FREM2: variants seen among roughly 807,000 people sequenced by gnomAD.
FREM2 encodes the protein FRAS1-related extracellular matrix protein 2.
In FREM2, 119 loss-of-function variants were observed where a neutral mutation model predicts 219.9. That is an observed-to-expected ratio of 0.54 (90% confidence interval 0.47 to 0.63). The LOEUF is 0.63. Ranked by LOEUF, FREM2 falls within the 30% of genes least tolerant of loss-of-function variation. The probability of loss-of-function intolerance (pLI) is 0.00; values close to 1 mark genes in which losing one functional copy is unlikely to be tolerated. For synonymous variants in FREM2, 1,562 were observed against 1,522.8 expected, an observed-to-expected ratio of 1.03 and a Z score of -0.60; for missense variants, 4,030 against 3,993.6, an observed-to-expected ratio of 1.01 and a Z score of -0.25.
intron 6 of FREM2, among the ~76,000 whole-genome samples, chr13:38,820,801 A>G (rs1876013973): frequency 6.6e-6 from 1 of 152,140 alleles, no homozygotes; most frequent in African/African-American, 2.4e-5. Context: ...TCAGTGATGT[A>G]AAGAGAGGCC....
rs1282182647 is a variant in FREM2, at chr13:38,687,867, G to C, written c.523G>C (p.Val175Leu). 1 of 1,570,376 alleles carries C rather than the reference G, an allele frequency of 6.4e-7. No homozygotes were observed. Among genetic ancestry groups the C allele is most frequent in the Non-Finnish European group, 8.7e-7 (1 of 1,154,190 alleles). The change falls in exon 1 of 24, where the codon GTC becomes CTC. Residue 175 changes from valine (V) to leucine (L), a missense_variant. By Grantham distance (32) the Val-to-Leu change is conservative. Transcript: ENST00000280481. ...VLPLVLEVEV[V>L]FTQLEVVTRN... Reference sequence around the variant, plus strand: ...ACCACTGGTACTGGAGGTGGAGGTGGTCTTCACCCAGCTGGAGGTTGTGAC... The same window carrying C: ...ACCACTGGTACTGGAGGTGGAGGTGCTCTTCACCCAGCTGGAGGTTGTGAC...
chr13:38,723,050 G>A (rs1367599801), intron 2 of FREM2, among the ~76,000 whole-genome samples: 1 of 151,840 alleles, frequency 6.6e-6, no homozygotes, highest in Non-Finnish European at 1.5e-5. Flanking sequence ...GGTCAACATG[G>A]TGAAACCCCA....
In FREM2 at chr13:38,687,343, C is replaced by G. The variant is rs1869500971; in HGVS notation, c.-2C>G. 8 of 1,601,092 alleles carry G rather than the reference C, an allele frequency of 5.0e-6. No individual in the cohort carries two copies. The highest frequency in any genetic ancestry group is 6.8e-6 in the Non-Finnish European group (8 of 1,174,256). ...ACCTGTCCAAGCCCGAACACCGGGA[C>G]CATGCACTCAGCCGGGACTCCCGGG... On this transcript the variant is annotated 5_prime_UTR_variant, in exon 1 of 24. Transcript: ENST00000280481.
At chr13:38,860,472 C>T (rs1322341171) in intron 14 of FREM2, among the ~76,000 whole-genome samples, 1 of 152,160 alleles carries the variant, frequency 6.6e-6, no homozygotes, top group Non-Finnish European at 1.5e-5. Context: ...ACACCGCATT[C>T]AAAAGTAAAT....
chr13:38,817,912 A>G (rs921680437), intron 6 of FREM2, among the ~76,000 whole-genome samples: 1 of 152,128 alleles, frequency 6.6e-6, no homozygotes, highest in African/African-American at 2.4e-5. Context: ...AAAATAAGAC[A>G]TACAAATGAC....
intron 16 of FREM2, among the ~76,000 whole-genome samples, chr13:38,867,236 C>A (rs1878003080): frequency 6.6e-6 from 1 of 152,162 alleles, no homozygotes; most frequent in African/African-American, 2.4e-5. Context: ...CAACATAATT[C>A]AGTTCTTAAT....
Position 38,688,806 on chromosome 13 carries a change from C to A in FREM2, c.1462C>A (p.Arg488=), listed in dbSNP as rs777397051. The change falls in exon 1 of 24, where the codon CGG becomes AGG. Residue 488 remains arginine, a synonymous_variant. Transcript: ENST00000280481. ...AVRLEVVAGL[R]HGHLVILGAS... is the part of the protein sequence containing the mutation. ...GCGGCTAGAGGTGGTGGCTGGGCTC[C>A]GGCATGGTCACCTTGTCATTCTGGG... The A allele has an allele frequency of 1.9e-5, 31 of 1,613,884 alleles. No individual in the cohort carries two copies. Among genetic ancestry groups the A allele is most frequent in the Non-Finnish European group, 2.5e-5 (30 of 1,180,034 alleles).
intron 6 of FREM2, among the ~76,000 whole-genome samples, chr13:38,787,472 C>A (rs908864635): frequency 6.6e-6 from 1 of 152,050 alleles, no homozygotes; most frequent in Non-Finnish European, 1.5e-5. Context: ...ACCAATTTAA[C>A]CTTTCCTAAC....
At chr13:38,766,207 T>C (rs965932135) in intron 3 of FREM2, among the ~76,000 whole-genome samples, 10 of 151,994 alleles carry the variant, frequency 6.6e-5, no homozygotes, top group Non-Finnish European at 1.2e-4. Context: ...TTTTTTGCCT[T>C]TTTTTTTCTC....
chr13:38,754,898 G>GATTATTATTATT lies in FREM2; in HGVS notation c.5264-9404_5264-9403insTATTATTATTAT, dbSNP rs770487106. Among the ~76,000 whole-genome samples, 498 of 122,772 alleles carry GATTATTATTATT rather than the reference G, an allele frequency of 4.1e-3. 2 individuals are homozygous for GATTATTATTATT. The highest frequency in any genetic ancestry group is 9.6e-3 in the East Asian group (39 of 4,072). 80.5% of individuals were successfully genotyped at this position (122,772 alleles called of 152,430 possible). ...TGATGATGATGATGATGATGATGAT[G>GATTATTATTATT]ATGATTATTATTATTATTATTAGAG... On this transcript the variant is annotated intron_variant, in intron 2 of 23. Transcript: ENST00000280481.
rs755238301 is a variant in FREM2 at position 38,691,406 on chromosome 13, A to G, written c.4062A>G (p.Arg1354=). Residue 1354 remains arginine, a synonymous_variant, in exon 1 of 24, where the codon AGA becomes AGG. Coordinates refer to ENST00000280481, the MANE Select transcript of FREM2 (RefSeq NM_207361.6). ...RYGPGHGLLQ[R]RKPTGAFENI... ...GGCCAGGACATGGCTTATTACAGAG[A>G]CGAAAACCTACTGGTGCCTTTGAAA... 1 of 1,614,164 alleles carries G rather than the reference A, an allele frequency of 6.2e-7. No homozygotes were observed. Among genetic ancestry groups the G allele is most frequent in the Non-Finnish European group, 8.5e-7 (1 of 1,180,016 alleles).
chr13:38,764,575 A>G, intron 3 of FREM2, 125 bp downstream of exon 3: 1 of 625,976 alleles, frequency 1.6e-6, no homozygotes, highest in Non-Finnish European at 2.8e-6. Context: ...AAAGTTCTCT[A>G]ACTGCTAAAG....
intron 8 of FREM2, among the ~76,000 whole-genome samples, chr13:38,848,983 T>C (rs979089878): frequency 6.6e-6 from 1 of 152,102 alleles, no homozygotes; most frequent in Non-Finnish European, 1.5e-5. Flanking sequence ...GTTCCCTGTA[T>C]GTGTCTCTGT....
intron 2 of FREM2, among the ~76,000 whole-genome samples, chr13:38,757,564 G>T (rs868647397): frequency 6.6e-6 from 1 of 151,594 alleles, no homozygotes; most frequent in Non-Finnish European, 1.5e-5. Flanking sequence ...TTCCCTCTAC[G>T]TCCTGGGTCT....
At chr13:38,859,084 T>G (rs1483628947) in intron 13 of FREM2, among the ~76,000 whole-genome samples, 1 of 152,102 alleles carries the variant, frequency 6.6e-6, no homozygotes, top group Non-Finnish European at 1.5e-5. Flanking sequence ...AAGTTAGAAA[T>G]AGAAACATCC....
chr13:38,840,628 AT>A (rs1876915529), intron 6 of FREM2, among the ~76,000 whole-genome samples: 1 of 34,480 alleles, frequency 2.9e-5, no homozygotes, highest in Admixed American at 2.7e-4. Flanking sequence ...AAACTAAAAT[AT>A]ATATATATAT....
At chr13:38,784,883 A>T in intron 6 of FREM2, 75 bp downstream of exon 6, 1 of 1,488,772 alleles carries the variant, frequency 6.7e-7, no homozygotes, top group Non-Finnish European at 9.3e-7. Context: ...GACAGAAAAA[A>T]TGGGAATCTA....
chr13:38,870,484 G>A (rs748768176), intron 16 of FREM2, among the ~76,000 whole-genome samples: 1 of 152,182 alleles, frequency 6.6e-6, no homozygotes, highest in Non-Finnish European at 1.5e-5. Context: ...CAAATACCTC[G>A]AAAAGTCCTG....
intron 2 of FREM2, among the ~76,000 whole-genome samples, chr13:38,721,393 G>A (rs1871241972): frequency 6.6e-6 from 1 of 152,130 alleles, no homozygotes; most frequent in African/African-American, 2.4e-5. Context: ...GGCAGCCATG[G>A]GTGAGGACAG....
Sources: gnomAD v4.1 joint callset for allele counts (sites outside exome capture counted in the v4.1 genomes callset) on GRCh38, gnomAD v4.1.1 for gene constraint, MANE v1.5 for transcripts, NCBI Gene and HGNC (gene_info 2026-07-23, HGNC 2026-07-21) for gene names.